Variants in NCOA6 observed in about 807,000 individuals in gnomAD.
The protein encoded by NCOA6 is nuclear receptor coactivator 6.
In NCOA6, 49 loss-of-function variants were observed where a neutral mutation model predicts 171.4. That is an observed-to-expected ratio of 0.29 (90% CI 0.23 to 0.36). The LOEUF (loss-of-function observed/expected upper bound fraction) is 0.36. NCOA6 is among the 10% of genes least tolerant of loss of function. The pLI, the probability that NCOA6 is intolerant of heterozygous loss-of-function variation, is 1.00. For missense variants in NCOA6, 2,248 were observed against 2,554.5 expected, an observed-to-expected ratio of 0.88 and a Z score of 2.59; for synonymous variants, 910 against 927.5, an observed-to-expected ratio of 0.98 and a Z score of 0.34.
intron 10 of NCOA6, among the ~76,000 whole-genome samples, chr20:34,744,269 G>A (rs561599300): frequency 6.6e-6 from 1 of 152,228 alleles, no homozygotes; most frequent in South Asian, 2.1e-4. Flanking sequence ...TATGCAGAGG[G>A]CAACATCTCA....
intron 1 of NCOA6, among the ~76,000 whole-genome samples, chr20:34,796,003 A>ATTTTTTTTTTTT (rs569229378): frequency 1.0e-5 from 1 of 95,766 alleles, no homozygotes; most frequent in Non-Finnish European, 2.0e-5. Flanking sequence ...ATATGTTTGA[A>ATTTTTTTTTTTT]TTTTTTTTTT....
chr20:34,812,682 A>G (rs2078706042), intron 1 of NCOA6, among the ~76,000 whole-genome samples: 1 of 152,166 alleles, frequency 6.6e-6, no homozygotes, highest in Admixed American at 6.5e-5. Context: ...TGCAACAAAG[A>G]GAAAAAAAAT....
At chr20:34,749,288 C>A in intron 9 of NCOA6, 115 bp downstream of exon 9, 7 of 1,224,566 alleles carry the variant, frequency 5.7e-6, no homozygotes, top group Non-Finnish European at 7.9e-6. Context: ...ATTATTGAAG[C>A]AGGGGGATTT....
chr20:34,733,373 C>T (rs556680355), intron 12 of NCOA6, among the ~76,000 whole-genome samples: 2 of 152,298 alleles, frequency 1.3e-5, no homozygotes, highest in East Asian at 3.9e-4. Context: ...AAGTCAGCAC[C>T]TCATTACTCA....
chr20:34,781,993 A>G (rs563523588), intron 3 of NCOA6, 128 bp downstream of exon 3: 1 of 623,000 alleles, frequency 1.6e-6, no homozygotes, highest in Non-Finnish European at 2.8e-6. Flanking sequence ...CTAAAATTCC[A>G]CCTCTGTGCT....
intron 5 of NCOA6, among the ~76,000 whole-genome samples, chr20:34,763,783 G>A (rs1374990507): frequency 6.6e-6 from 1 of 152,082 alleles, no homozygotes; most frequent in Non-Finnish European, 1.5e-5. Flanking sequence ...GAGCCCCAGC[G>A]AACACAGACA....
At chr20:34,760,096 A>G (rs916643318) in intron 5 of NCOA6, among the ~76,000 whole-genome samples, 1 of 152,092 alleles carries the variant, frequency 6.6e-6, no homozygotes, top group Non-Finnish European at 1.5e-5. Context: ...TGGGCAACAT[A>G]GAAAGACCCC....
chr20:34,742,743 C>T lies in NCOA6; in HGVS notation c.3513G>A (p.Ser1171=), dbSNP rs747102209. ...TTGCACCTTGAGTTGCTGAAAGGGGCGATGGTCCAGGTTTTGGCCCTGTCA... is the reference window on the plus strand; with the variant it reads ...TTGCACCTTGAGTTGCTGAAAGGGGTGATGGTCCAGGTTTTGGCCCTGTCA... ...LMMTGPKPGP[S]PLSATQGATP... The change falls in exon 11 of 15, where the codon TCG becomes TCA. Residue 1171 remains serine, a synonymous_variant. Transcript: ENST00000359003. The T allele has an allele frequency of 1.2e-6, 2 of 1,613,974 alleles. No homozygotes were observed. Among genetic ancestry groups the T allele is most frequent in the South Asian group, 2.2e-5 (2 of 91,058 alleles).
chr20:34,720,242 G>C (rs1333018854), intron 14 of NCOA6, among the ~76,000 whole-genome samples: 1 of 152,206 alleles, frequency 6.6e-6, no homozygotes, highest in Non-Finnish European at 1.5e-5. Flanking sequence ...AATTCATCAT[G>C]TCAGGAAGGA....
chr20:34,774,025 T>C (rs1010301211), intron 4 of NCOA6, among the ~76,000 whole-genome samples: 4 of 152,258 alleles, frequency 2.6e-5, no homozygotes, highest in African/African-American at 9.6e-5. Context: ...TCTTAAAATA[T>C]GTTATCTATT....
chr20:34,750,636 C>T, intron 8 of NCOA6, 117 bp from the exon 9 acceptor site: 2 of 1,110,920 alleles, frequency 1.8e-6, no homozygotes, highest in Non-Finnish European at 2.5e-6. Context: ...CACTGACCAA[C>T]ATAAATATGC....
At chr20:34,776,910 A>C (rs1261195503) in intron 3 of NCOA6, 1 of 385,208 alleles carries the variant, frequency 2.6e-6, no homozygotes, top group Non-Finnish European at 5.0e-6. Flanking sequence ...CGAGGTCAGG[A>C]GTTCAAGAAT....
At chr20:34,796,245 A>G (rs1439044538) in intron 1 of NCOA6, among the ~76,000 whole-genome samples, 1 of 151,818 alleles carries the variant, frequency 6.6e-6, no homozygotes, top group East Asian at 2.0e-4. Context: ...CCTAGGCTCA[A>G]GCAATCCTCC....
intron 11 of NCOA6, among the ~76,000 whole-genome samples, chr20:34,739,969 T>G (rs755137168): frequency 6.6e-6 from 1 of 152,162 alleles, no homozygotes; most frequent in Non-Finnish European, 1.5e-5. Flanking sequence ...TTCAAGCTAT[T>G]CTCATGCCTC....
chr20:34,749,761 C>A lies in NCOA6; in HGVS notation c.2434G>T (p.Val812Phe). ...GDPATTANND[V>F]SLSQMMPDVS... ...TCAGGCATCATCTGAGATAAACTGA[C>A]ATCGTTATTTGCTGTAGTAGCAGGA... Residue 812 changes from valine (V) to phenylalanine (F), a missense_variant, in exon 9 of 15, where the codon GTC becomes TTC. Coordinates refer to ENST00000359003, the MANE Select transcript of NCOA6 (RefSeq NM_014071.5). The A allele has an allele frequency of 6.2e-7, 1 of 1,614,214 alleles. No homozygotes were observed. Among genetic ancestry groups the A allele is most frequent in the East Asian group, 2.2e-5 (1 of 44,888 alleles).
At chr20:34,797,725 T>A (rs544160476) in intron 1 of NCOA6, among the ~76,000 whole-genome samples, 68 of 152,120 alleles carry the variant, frequency 4.5e-4, no homozygotes, top group African/African-American at 1.6e-3. Flanking sequence ...CCATCTCTAC[T>A]AAAAATGCAA....
chr20:34,741,349 C>G lies in NCOA6; in HGVS notation c.4907G>C (p.Ser1636Thr). 1 of 1,614,204 alleles carries G rather than the reference C, an allele frequency of 6.2e-7. No homozygotes were observed. Among genetic ancestry groups the G allele is most frequent in the Non-Finnish European group, 8.5e-7 (1 of 1,180,034 alleles). ...CTGTCCCTCAGAAACCATAACCTTG[C>G]TACCCGCATTGGGCATTGTGACAAC... ...STVVTMPNAG[S>T]KVMVSEGQSA... Residue 1636 changes from serine (S) to threonine (T), a missense_variant, in exon 11 of 15, where the codon AGC becomes ACC. Coordinates refer to ENST00000359003, the MANE Select transcript of NCOA6 (RefSeq NM_014071.5).
intron 14 of NCOA6, among the ~76,000 whole-genome samples, chr20:34,716,815 T>G (rs943568743): frequency 1.3e-5 from 2 of 151,984 alleles, no homozygotes; most frequent in African/African-American, 4.8e-5. Flanking sequence ...GTACAGTGAA[T>G]AGCCTGAAGC....
In NCOA6 at chr20:34,824,817, C is replaced by T. The variant is rs144875225; in HGVS notation, c.-164+655G>A. ...GAGTTATACAGCTTTGCAATTCAGC[C>T]CCAGTACCCCAAGGACTGCCCCAAT... On this transcript the variant is annotated intron_variant, in intron 1 of 14. Coordinates refer to ENST00000359003, the MANE Select transcript of NCOA6 (RefSeq NM_014071.5). Among the ~76,000 whole-genome samples the T allele has an allele frequency of 3.2e-4, 48 of 152,214 alleles. No homozygotes were observed. In the East Asian group the frequency reaches 8.9e-3, roughly 28 times the overall value.
Sources: allele counts gnomAD v4.1 joint callset (sites outside exome capture counted in the v4.1 genomes callset), GRCh38; gene constraint gnomAD v4.1.1; transcripts MANE v1.5; gene names NCBI Gene and HGNC (gene_info 2026-07-23, HGNC 2026-07-21).